MAN1B1: variants seen among roughly 807,000 people sequenced by gnomAD.
MAN1B1 encodes the protein mannosidase alpha class 1B member 1, also known as endoplasmic reticulum mannosyl-oligosaccharide 1,2-alpha-mannosidase.
MAN1B1 carries 66 observed loss-of-function variants against 75.5 expected under a neutral mutation model. The observed-to-expected ratio is 0.87, with a 90% confidence interval of 0.72 to 1.07. The LOEUF (loss-of-function observed/expected upper bound fraction) is 1.07. Among genes scored for constraint, MAN1B1 ranks in the 50% least tolerant of loss-of-function variants. The pLI is 0.00. For missense variants in MAN1B1, 973 were observed against 912.5 expected, an observed-to-expected ratio of 1.07 and a Z score of -0.85; for synonymous variants, 453 against 382.8, an observed-to-expected ratio of 1.18 and a Z score of -2.14.
At position 137,107,727 on chromosome 9, in the gene MAN1B1, G is replaced by A. The variant is rs11998970; in HGVS notation, c.1896+65G>A. The A allele has an allele frequency of 0.012, 19,532 of 1,606,784 alleles. 1,652 individuals are homozygous for A. The African/African-American group carries it at 0.2, about 17-fold the overall frequency. On this transcript the variant is annotated intron_variant, in intron 12 of 12. Coordinates refer to ENST00000371589, the MANE Select transcript of MAN1B1 (RefSeq NM_016219.5). ...GGCCACAGGCACGGCTGGGCTGTGG[G>A]GCTCAGGCTGGCTCCGCTCTTGGTG...
At chr9:137,100,019 G>A in intron 6 of MAN1B1, 138 bp downstream of exon 6, 1 of 987,424 alleles carries the variant, frequency 1.0e-6, no homozygotes, top group Non-Finnish European at 1.5e-6. Context: ...GTGCGGGAGT[G>A]GACGTGTTGG....
intron 5 of MAN1B1, among the ~76,000 whole-genome samples, chr9:137,098,455 G>T (rs9411249): frequency 0.42 from 63,952 of 151,996 alleles, 13,872 homozygotes; most frequent in East Asian, 0.63. Flanking sequence ...TTGCTTGTCT[G>T]TGGGGGCTCA....
At position 137,106,673 on chromosome 9, in the gene MAN1B1, C is replaced by T. The variant is rs1406990023; in HGVS notation, c.1446-16C>T. 1 of 1,613,322 alleles carries T rather than the reference C, an allele frequency of 6.2e-7. No homozygotes were observed. Among genetic ancestry groups the T allele is most frequent in the South Asian group, 1.1e-5 (1 of 91,058 alleles). On this transcript the variant is annotated splice_polypyrimidine_tract_variant and intron_variant, in intron 9 of 12. Coordinates refer to ENST00000371589, the MANE Select transcript of MAN1B1 (RefSeq NM_016219.5). ...GCACCGTCCTGGTAGAGTGAGATGA[C>T]TGCTGGTGTCCACAGGCTGCTGGAA... is the stretch of plus-strand genomic sequence containing the variant.
Position 137,087,053 on chromosome 9 carries a change from C to G in MAN1B1, c.54C>G (p.Asp18Glu), listed in dbSNP as rs1564271993. 3 of 1,604,586 alleles carry G rather than the reference C, an allele frequency of 1.9e-6. No individual in the cohort carries two copies. In the South Asian group the frequency reaches 3.4e-5, roughly 18 times the overall value. Residue 18 changes from aspartate to glutamate, a missense_variant, in exon 1 of 13, where the codon GAC becomes GAG. By Grantham distance (45) the Asp-to-Glu change is conservative. Coordinates refer to ENST00000371589, the MANE Select transcript of MAN1B1 (RefSeq NM_016219.5). ...RSGALGSSQSDFLTPPVGGAP... is the reference protein window; with the variant it reads ...RSGALGSSQSEFLTPPVGGAP... ...GAGCTCTCGGTTCCTCTCAGTCGGA[C>G]TTCCTGACGCCGCCAGTGGGCGGGG...
intron 10 of MAN1B1, 131 bp from the exon 11 acceptor site, chr9:137,107,119 G>A: frequency 3.1e-6 from 3 of 970,204 alleles, no homozygotes; most frequent in Non-Finnish European, 4.6e-6. Flanking sequence ...CATGCCAAGT[G>A]CCCTCGCGTG....
chr9:137,101,763 A>G (rs2131024683), intron 8 of MAN1B1, 91 bp downstream of exon 8: 1 of 1,414,840 alleles, frequency 7.1e-7, no homozygotes, highest in Non-Finnish European at 9.8e-7. Flanking sequence ...GTGTATGTGC[A>G]TGTGTGTTTT....
chr9:137,106,042 G>A (rs1363632261), intron 8 of MAN1B1, 83 bp from the exon 9 acceptor site: 2 of 1,102,604 alleles, frequency 1.8e-6, no homozygotes, highest in African/African-American at 3.1e-5. Context: ...GGCGAGGGGA[G>A]GCAGAGCTCA....
At chr9:137,107,821 G>T in intron 12 of MAN1B1, 159 bp downstream of exon 12, 1 of 953,886 alleles carries the variant, frequency 1.0e-6, no homozygotes, top group Non-Finnish European at 1.6e-6. Flanking sequence ...TGCAGCTTGG[G>T]GGCCCTGGCA....
chr9:137,097,099 A>T (rs767934337), intron 4 of MAN1B1, among the ~76,000 whole-genome samples: 4 of 152,336 alleles, frequency 2.6e-5, no homozygotes, highest in Non-Finnish European at 2.9e-5. Context: ...TGTGCATGTG[A>T]GGGGTCCTCA....
intron 8 of MAN1B1, chr9:137,103,360 G>T: frequency 2.3e-6 from 1 of 444,358 alleles, no homozygotes; most frequent in Admixed American, 2.5e-5. Flanking sequence ...TTGCAGACGT[G>T]CAGGTCAGTG....
At chr9:137,101,412 A>G in intron 7 of MAN1B1, 72 bp from the exon 8 acceptor site, 1 of 1,434,906 alleles carries the variant, frequency 7.0e-7, no homozygotes, top group Non-Finnish European at 9.8e-7. Flanking sequence ...TCTCCACTGA[A>G]CTGCATGAAA....
At chr9:137,107,002 C>T (rs1831133979) in intron 10 of MAN1B1, among the ~76,000 whole-genome samples, 193 bp downstream of exon 10, 2 of 152,218 alleles carry the variant, frequency 1.3e-5, no homozygotes, top group African/African-American at 4.8e-5. Context: ...CTGGGGTGGG[C>T]AGGGCTTCCC....
In MAN1B1 at chr9:137,109,064, A is replaced by C. The variant is rs554886566; in HGVS notation, c.*473A>C. On this transcript the variant is annotated 3_prime_UTR_variant, in exon 13 of 13. Transcript: ENST00000371589. ...GCTCTGGTGTTTACAAGCTGGACTC[A>C]GGGATCCTCCTGGCCGCCCCGCAGG... The C allele has an allele frequency of 2.2e-6, 1 of 456,014 alleles. No individual in the cohort carries two copies. The highest frequency in any genetic ancestry group is 4.4e-6 in the Non-Finnish European group (1 of 227,152). The allele number at this position is 456,014 out of a possible 1,614,324, so 28.2% of individuals were successfully genotyped here.
At chr9:137,096,463 G>T in intron 4 of MAN1B1, 72 bp downstream of exon 4, 2 of 1,534,494 alleles carry the variant, frequency 1.3e-6, no homozygotes, top group Non-Finnish European at 1.8e-6. Flanking sequence ...TTGCGGAAAC[G>T]CATTGTGTCT....
chr9:137,104,237 T>C (rs1054779611), intron 8 of MAN1B1: 1 of 365,236 alleles, frequency 2.7e-6, no homozygotes, highest in African/African-American at 2.1e-5. Context: ...TTTGTCCTTT[T>C]TTTGTTTTCG....
In MAN1B1 at chr9:137,107,606, C is replaced by T. The variant is rs779180847; in HGVS notation, c.1840C>T (p.Arg614Cys). ...CTACCTGTACCGCGTCACAGGGGAC[C>T]GCAAATACCAGGACTGGGGCTGGGA... is the stretch of plus-strand genomic sequence containing the variant. Reference protein sequence around the residue: ...LFYLYRVTGDRKYQDWGWEIL... With the variant: ...LFYLYRVTGDCKYQDWGWEIL... Residue 614 changes from arginine to cysteine, a missense_variant, in exon 12 of 13, where the codon CGC (arginine) becomes TGC (cysteine). Coordinates refer to ENST00000371589, the MANE Select transcript of MAN1B1 (RefSeq NM_016219.5). 8.1e-6 allele frequency: 13 copies of T among 1,611,662 alleles called. No homozygotes were observed. Among genetic ancestry groups the T allele is most frequent in the South Asian group, 2.2e-5 (2 of 91,088 alleles).
At chr9:137,099,587 C>T (rs752405808) in intron 5 of MAN1B1, 109 bp from the exon 6 acceptor site, 23 of 1,239,786 alleles carry the variant, frequency 1.9e-5, no homozygotes, top group Non-Finnish European at 2.5e-5. Context: ...CCAAACCCAC[C>T]GTCATCTTTG....
At chr9:137,091,097 C>A (rs543799098) in intron 3 of MAN1B1, among the ~76,000 whole-genome samples, 2 of 152,190 alleles carry the variant, frequency 1.3e-5, no homozygotes, top group Non-Finnish European at 2.9e-5. Context: ...CCACACTCTT[C>A]GGTGTGAGGA....
intron 11 of MAN1B1, 31 bp from the exon 12 acceptor site, chr9:137,107,500 G>A (rs753720507): frequency 6.8e-6 from 11 of 1,612,898 alleles, no homozygotes; most frequent in African/African-American, 1.3e-5. Flanking sequence ...TGGCAGGGCT[G>A]GCCTTGCCCT....
Sources: gnomAD v4.1 joint callset for allele counts (sites outside exome capture counted in the v4.1 genomes callset) on GRCh38, gnomAD v4.1.1 for gene constraint, MANE v1.5 for transcripts, NCBI Gene and HGNC (gene_info 2026-07-23, HGNC 2026-07-21) for gene names.